The following CRYBG3 variants were observed in gnomAD, a reference collection of about 807,000 sequenced individuals.
The protein encoded by CRYBG3 is crystallin beta-gamma domain containing 3, also known as very large A-kinase anchor protein.
CRYBG3 carries 127 observed loss-of-function variants against 244.2 expected under a neutral mutation model. The ratio of observed to expected loss-of-function variants is 0.52; its 90% CI spans 0.45 to 0.60. The LOEUF (loss-of-function observed/expected upper bound fraction) is 0.60. CRYBG3 is among the 20% of genes least tolerant of loss of function. CRYBG3 has a pLI of 0.00. For synonymous variants in CRYBG3, 1,132 were observed against 1,195.8 expected, an observed-to-expected ratio of 0.95 and a Z score of 1.10; for missense variants, 3,325 against 3,442.5, an observed-to-expected ratio of 0.97 and a Z score of 0.85.
intron 1 of CRYBG3, among the ~76,000 whole-genome samples, chr3:97,834,099 AC>A (rs1300515506): frequency 2.0e-5 from 3 of 152,040 alleles, no homozygotes; most frequent in African/African-American, 7.2e-5. Context: ...ATTGGGCCCC[AC>A]CTCCAACACT....
At chr3:97,864,670 C>A (rs1292609834) in intron 3 of CRYBG3, 23 bp downstream of exon 3, 1 of 1,483,260 alleles carries the variant, frequency 6.7e-7, no homozygotes, top group South Asian at 1.3e-5. Flanking sequence ...TTTCATTGAA[C>A]CAAAAAAAAT....
chr3:97,906,993 A>G (rs1479100849), intron 15 of CRYBG3, among the ~76,000 whole-genome samples: 2 of 151,384 alleles, frequency 1.3e-5, no homozygotes, highest in Admixed American at 1.3e-4. Flanking sequence ...TTCTGCATCT[A>G]TTGAGATAAT....
At chr3:97,837,636 A>G (rs2038752811) in intron 1 of CRYBG3, among the ~76,000 whole-genome samples, 2 of 152,108 alleles carry the variant, frequency 1.3e-5, no homozygotes, top group Admixed American at 1.3e-4. Flanking sequence ...CCCTGTGGAC[A>G]GAGGGTTGGG....
chr3:97,921,908 T>A (rs751136754), intron 17 of CRYBG3, among the ~76,000 whole-genome samples: 18 of 152,152 alleles, frequency 1.2e-4, no homozygotes, highest in Non-Finnish European at 2.4e-4. Flanking sequence ...GGAATGGAAG[T>A]TTGGCTGCCT....
chr3:97,874,347 T>C lies in CRYBG3; in HGVS notation c.3153T>C (p.His1051=), dbSNP rs183219304. The change falls in exon 4 of 22, where the codon CAT becomes CAC. Residue 1051 remains histidine, a synonymous_variant. Coordinates refer to ENST00000389622, the MANE Select transcript of CRYBG3 (RefSeq NM_153605.4). ...SSSYRKKENI[H]FLNGGIDSVS... The stretch of plus-strand genomic sequence containing the variant: ...CTTACAGAAAGAAAGAGAACATCCA[T>C]TTTTTAAATGGTGGTATTGATAGTG... 3,696 of 1,526,304 alleles carry C rather than the reference T, an allele frequency of 2.4e-3. 7 individuals are homozygous for C. Among genetic ancestry groups the C allele is most frequent in the Middle Eastern group, 5.4e-3 (32 of 5,914 alleles). The allele number at this position is 1,526,304 out of a possible 1,614,324, so 94.5% of individuals were successfully genotyped here.
At chr3:97,841,278 A>G (rs559781882) in intron 1 of CRYBG3, among the ~76,000 whole-genome samples, 2 of 149,494 alleles carry the variant, frequency 1.3e-5, no homozygotes, top group Admixed American at 1.3e-4. Flanking sequence ...ATATATGTAC[A>G]TATAGGTGCG....
At chr3:97,884,920 C>T (rs1434043714) in intron 7 of CRYBG3, among the ~76,000 whole-genome samples, 1 of 152,068 alleles carries the variant, frequency 6.6e-6, no homozygotes, top group Non-Finnish European at 1.5e-5. Context: ...TTTTAGAGTA[C>T]ACCACCCAAA....
At chr3:97,923,499 G>T (rs905420705) in intron 17 of CRYBG3, among the ~76,000 whole-genome samples, 1 of 151,748 alleles carries the variant, frequency 6.6e-6, no homozygotes, top group Admixed American at 6.6e-5. Context: ...CTGAAACAGC[G>T]CTCTTTAAAT....
At chr3:97,842,670 A>G (rs1282625599) in intron 1 of CRYBG3, among the ~76,000 whole-genome samples, 1 of 152,194 alleles carries the variant, frequency 6.6e-6, no homozygotes. Context: ...TATTTGGGAA[A>G]TCAGATTTTA....
At chr3:97,931,625 T>C (rs934303095) in intron 17 of CRYBG3, among the ~76,000 whole-genome samples, 1 of 152,086 alleles carries the variant, frequency 6.6e-6, no homozygotes, top group Non-Finnish European at 1.5e-5. Flanking sequence ...ATCCTGGCTC[T>C]ATCTCAACAT....
chr3:97,923,996 A>G (rs955914414), intron 17 of CRYBG3, among the ~76,000 whole-genome samples: 2 of 152,102 alleles, frequency 1.3e-5, no homozygotes, highest in Non-Finnish European at 2.9e-5. Flanking sequence ...AAAAATCGCC[A>G]AGATAATTTT....
At chr3:97,941,089 G>GAAA in intron 19 of CRYBG3, 59 bp from the exon 20 acceptor site, 1 of 1,450,532 alleles carries the variant, frequency 6.9e-7, no homozygotes, top group South Asian at 1.3e-5. Flanking sequence ...TCCTCCTCTG[G>GAAA]AAGGATTCAT....
intron 8 of CRYBG3, among the ~76,000 whole-genome samples, chr3:97,888,010 A>C (rs1331233225): frequency 2.0e-5 from 3 of 152,192 alleles, no homozygotes; most frequent in African/African-American, 4.8e-5. Flanking sequence ...AATATAGTGA[A>C]ATTGTTTTTG....
Position 97,935,306 on chromosome 3 carries a change from T to A in CRYBG3, c.8381+1473T>A, listed in dbSNP as rs920948761. On this transcript the variant is annotated intron_variant, in intron 18 of 21. Transcript: ENST00000389622. ...TTTATAACTGAAACTTCCCTGACAG[T>A]TTAAAGAATCTGCAGCGGGAGAGGC... is the stretch of plus-strand genomic sequence containing the variant. 3.3e-5 allele frequency among the ~76,000 whole-genome samples: 5 copies of A among 152,198 alleles called. No homozygotes were observed. In the South Asian group the frequency reaches 1.0e-3, roughly 32 times the overall value.
chr3:97,876,463 C>T lies in CRYBG3; in HGVS notation c.5269C>T (p.Pro1757Ser), dbSNP rs2039373380. 5.7e-6 allele frequency: 7 copies of T among 1,231,880 alleles called. No individual in the cohort carries two copies. The highest frequency in any genetic ancestry group is 8.2e-5 in the South Asian group (2 of 24,300). 76.3% of individuals were successfully genotyped at this position (1,231,880 alleles called of 1,614,324 possible). A position where few individuals can be genotyped will look rare whatever the true frequency, so the allele number is the denominator to read the frequency against. ...ERDGGKTEVM[P>S]LALEVVNTYQ... is the part of the protein sequence containing the mutation. The stretch of plus-strand genomic sequence containing the variant: ...AGACGGTGGCAAAACTGAGGTGATG[C>T]CCCTTGCATTAGAGGTAGTAAATAC... The change falls in exon 4 of 22, where the codon CCC (proline) becomes TCC (serine). Residue 1757 changes from proline (P) to serine (S), a missense_variant. Physicochemically the swap from Pro to Ser is moderately conservative, Grantham distance 74 (BLOSUM62 -1). Coordinates refer to ENST00000389622, the MANE Select transcript of CRYBG3 (RefSeq NM_153605.4).
chr3:97,935,284 A>G (rs1363806843), intron 18 of CRYBG3, among the ~76,000 whole-genome samples: 2 of 152,118 alleles, frequency 1.3e-5, no homozygotes, highest in African/African-American at 4.8e-5. Context: ...CCTAGATTTT[A>G]TAACTGAAAC....
At chr3:97,845,110 A>G (rs917661412) in intron 2 of CRYBG3, among the ~76,000 whole-genome samples, 14 of 152,196 alleles carry the variant, frequency 9.2e-5, no homozygotes, top group Admixed American at 7.9e-4. Context: ...AGGCATCATA[A>G]CAAATATGTA....
rs146893133 is a variant in CRYBG3 at position 97,886,865 on chromosome 3, A to T, written c.7289+98A>T. 1.5e-3 allele frequency: 1,521 copies of T among 1,043,274 alleles called. 18 individuals are homozygous for T. The African/African-American group carries it at 0.022, about 15-fold the overall frequency. 64.6% of individuals were successfully genotyped at this position (1,043,274 alleles called of 1,614,324 possible). ...TTTCTAAAGTTTCTAGCTAATGTTT[A>T]TACTCTCAGTCACCCAAGAAAGACT... On this transcript the variant is annotated intron_variant, in intron 8 of 21. Coordinates refer to ENST00000389622, the MANE Select transcript of CRYBG3 (RefSeq NM_153605.4).
At chr3:97,831,779 C>T (rs1020888077) in intron 1 of CRYBG3, among the ~76,000 whole-genome samples, 5 of 151,934 alleles carry the variant, frequency 3.3e-5, no homozygotes, top group East Asian at 1.9e-4. Flanking sequence ...CACAAAGAAA[C>T]GATAAAAGTT....
Sources: gnomAD v4.1 joint callset for allele counts (sites outside exome capture counted in the v4.1 genomes callset) on GRCh38, gnomAD v4.1.1 for gene constraint, MANE v1.5 for transcripts, NCBI Gene and HGNC (gene_info 2026-07-23, HGNC 2026-07-21) for gene names.